Variants in SUSD5 observed in about 807,000 individuals in gnomAD.
The protein encoded by SUSD5 is sushi domain-containing protein 5.
A neutral mutation model predicts 29.5 loss-of-function variants in SUSD5; 33 were observed. The ratio of observed to expected loss-of-function variants is 1.12; its 90% CI spans 0.85 to 1.49. The LOEUF (loss-of-function observed/expected upper bound fraction) is 1.49. Among genes scored for constraint, SUSD5 ranks in the 40% most tolerant of loss-of-function variants. The pLI, the probability that SUSD5 is intolerant of heterozygous loss-of-function variation, is 0.00. For missense variants in SUSD5, 776 were observed against 800.6 expected (o/e 0.97, Z 0.37); for synonymous variants, 308 against 325.3 (o/e 0.95, Z 0.57).
At chr3:33,215,723 C>T (rs1367192726) in intron 1 of SUSD5, among the ~76,000 whole-genome samples, 3 of 152,086 alleles carry the variant, frequency 2.0e-5, no homozygotes, top group Non-Finnish European at 2.9e-5. Flanking sequence ...CTAGGAAAAT[C>T]CCCTTGTGCA....
chr3:33,212,949 A>G (rs556601966), intron 2 of SUSD5, among the ~76,000 whole-genome samples: 25 of 152,344 alleles, frequency 1.6e-4, no homozygotes, highest in Admixed American at 1.2e-3. Context: ...ATACATATAC[A>G]TGCAGATGAG....
In SUSD5 at chr3:33,150,261, TG is replaced by T. The variant is rs1218999004; in HGVS notation, c.*2480del. 6.6e-6 allele frequency: 1 copy of T among 152,188 alleles called. No homozygotes were observed. Among genetic ancestry groups the T allele is most frequent in the African/African-American group, 2.4e-5 (1 of 41,448 alleles). The allele number at this position is 152,188 out of a possible 1,614,324, so 9.4% of individuals were successfully genotyped here. A position where few individuals can be genotyped will look rare whatever the true frequency, so the allele number is the denominator to read the frequency against. The stretch of plus-strand genomic sequence containing the variant: ...ACACCAATAAGAACTTAAAAACTGA[TG>T]TGTTGGGTTTATTTCACAGTCCATG... On this transcript the variant is annotated 3_prime_UTR_variant, in exon 5 of 5. Coordinates refer to ENST00000309558, the MANE Select transcript of SUSD5 (RefSeq NM_015551.2).
rs1165335601 is a variant in SUSD5 at position 33,217,984 on chromosome 3, GCAAGTATTA to G, written c.112+693_112+701del. On this transcript the variant is annotated intron_variant, in intron 1 of 4. Transcript: ENST00000309558. ...GAGCTCCAATCCTGCTCATTTTAGG[GCAAGTATTA>G]CAAGCTAAATTCAGGCTGAAAAACC... is the stretch of plus-strand genomic sequence containing the variant. Among the ~76,000 whole-genome samples the G allele has an allele frequency of 2.0e-5, 3 of 152,156 alleles. No individual in the cohort carries two copies. The East Asian group carries it at 5.8e-4, about 29-fold the overall frequency.
intron 1 of SUSD5, among the ~76,000 whole-genome samples, 168 bp from the exon 2 acceptor site, chr3:33,214,273 T>C (rs1280923940): frequency 2.0e-5 from 3 of 151,952 alleles, no homozygotes; most frequent in African/African-American, 7.3e-5. Flanking sequence ...ATAATTACAC[T>C]AGCATTTTCG....
intron 4 of SUSD5, among the ~76,000 whole-genome samples, chr3:33,173,811 C>G (rs1032150890): frequency 2.6e-5 from 4 of 152,136 alleles, no homozygotes; most frequent in African/African-American, 9.7e-5. Flanking sequence ...GGGAACAATT[C>G]AGGGTCTAGC....
intron 4 of SUSD5, among the ~76,000 whole-genome samples, chr3:33,171,345 T>C (rs200760825): frequency 1.3e-5 from 2 of 148,416 alleles, no homozygotes; most frequent in Admixed American, 6.7e-5. Flanking sequence ...GACTCCTTCT[T>C]AAAAAAAAAA....
chr3:33,207,773 C>A, intron 3 of SUSD5, 35 bp downstream of exon 3: 2 of 1,447,690 alleles, frequency 1.4e-6, no homozygotes, highest in Non-Finnish European at 1.9e-6. Flanking sequence ...CAAGAGCACA[C>A]CCTCCAGCAC....
At position 33,152,715 on chromosome 3, in the gene SUSD5, C is replaced by G; in HGVS notation, c.*27G>C. The G allele has an allele frequency of 1.3e-6, 2 of 1,567,888 alleles. No individual in the cohort carries two copies. Among genetic ancestry groups the G allele is most frequent in the Non-Finnish European group, 1.7e-6 (2 of 1,156,750 alleles). On this transcript the variant is annotated 3_prime_UTR_variant, in exon 5 of 5. Coordinates refer to ENST00000309558, the MANE Select transcript of SUSD5 (RefSeq NM_015551.2). The stretch of plus-strand genomic sequence containing the variant: ...TCACAGTTATTTTCCTCCCAAGTGG[C>G]TTTGGGAGAACCCACTCCAAAGGTG...
chr3:33,189,963 G>T (rs6785274), intron 3 of SUSD5, among the ~76,000 whole-genome samples: 42,326 of 151,960 alleles, frequency 0.28, 6,417 homozygotes, highest in East Asian at 0.47. Flanking sequence ...GCGAAAAGTT[G>T]ACCCTACTAG....
intron 4 of SUSD5, among the ~76,000 whole-genome samples, chr3:33,154,534 A>C (rs1029654250): frequency 6.6e-6 from 1 of 151,742 alleles, no homozygotes; most frequent in Non-Finnish European, 1.5e-5. Context: ...ACAACAACAA[A>C]AACAACAACT....
At chr3:33,164,969 AACAC>A (rs34551240) in intron 4 of SUSD5, among the ~76,000 whole-genome samples, 38,603 of 146,910 alleles carry the variant, frequency 0.26, 5,284 homozygotes, top group Middle Eastern at 0.32. Context: ...ACTAAAGTTG[AACAC>A]ACACACACAC....
At chr3:33,202,023 G>GT (rs769351025) in intron 3 of SUSD5, among the ~76,000 whole-genome samples, 26 of 102,782 alleles carry the variant, frequency 2.5e-4, no homozygotes, top group African/African-American at 8.2e-4. Flanking sequence ...GAGGGGAGAA[G>GT]TTATCTATCT....
rs2031337185 is a variant in SUSD5, at chr3:33,167,855, T to C, written c.598+7031A>G. The stretch of plus-strand genomic sequence containing the variant: ...CCTCTGCTTTCCTGAGTCTGCACTC[T>C]GACTCAGATCATTCAGCCATCCTTC... On this transcript the variant is annotated intron_variant, in intron 4 of 4. Coordinates refer to ENST00000309558, the MANE Select transcript of SUSD5 (RefSeq NM_015551.2). The surrounding 1 kb of genome is among the most constrained non-coding windows in gnomAD (Gnocchi z 4.1). Among the ~76,000 whole-genome samples the C allele has an allele frequency of 6.6e-6, 1 of 152,212 alleles. No homozygotes were observed. Among genetic ancestry groups the C allele is most frequent in the Non-Finnish European group, 1.5e-5 (1 of 68,042 alleles).
rs1331880894 is a variant in SUSD5 at position 33,152,838 on chromosome 3, G to A, written c.1794C>T (p.Tyr598=). Residue 598 remains tyrosine, a synonymous_variant, in exon 5 of 5, where the codon TAC becomes TAT. Coordinates refer to ENST00000309558, the MANE Select transcript of SUSD5 (RefSeq NM_015551.2). The part of the protein sequence containing the change: ...LLAGVGMVWG[Y]RKCQHKSSVY... Reference sequence around the variant, plus strand: ...CAGAGCTCTTGTGCTGGCACTTGCGGTAGCCCCACACCATCCCCACACCTG... The same window carrying A: ...CAGAGCTCTTGTGCTGGCACTTGCGATAGCCCCACACCATCCCCACACCTG... 1.2e-6 allele frequency: 2 copies of A among 1,613,974 alleles called. No individual in the cohort carries two copies. Among genetic ancestry groups the A allele is most frequent in the East Asian group, 2.2e-5 (1 of 44,872 alleles).
Position 33,158,206 on chromosome 3 carries a change from G to A in SUSD5, c.599-4173C>T, listed in dbSNP as rs1407667376. Reference sequence around the variant, plus strand: ...AGGAGCACAGTCTCCCAAAACACAAGAGGACTATAGGCCCACTTCTAAATT... The same window carrying A: ...AGGAGCACAGTCTCCCAAAACACAAAAGGACTATAGGCCCACTTCTAAATT... On this transcript the variant is annotated intron_variant, in intron 4 of 4. Transcript: ENST00000309558. Among the ~76,000 whole-genome samples the A allele has an allele frequency of 5.3e-5, 8 of 152,178 alleles. No individual in the cohort carries two copies. In the East Asian group the frequency reaches 1.5e-3, roughly 29 times the overall value.
chr3:33,202,705 A>G (rs1298821856), intron 3 of SUSD5, among the ~76,000 whole-genome samples: 1 of 152,218 alleles, frequency 6.6e-6, no homozygotes, highest in Non-Finnish European at 1.5e-5. Flanking sequence ...GAGGCAGCTT[A>G]TTTCATCAGA....
chr3:33,175,728 G>C (rs1420453098), intron 3 of SUSD5, among the ~76,000 whole-genome samples: 2 of 151,988 alleles, frequency 1.3e-5, no homozygotes, highest in East Asian at 3.8e-4. Flanking sequence ...TGAGCAGAAA[G>C]TACAGAGAGT....
intron 3 of SUSD5, among the ~76,000 whole-genome samples, chr3:33,199,312 T>C (rs1231977365): frequency 1.3e-5 from 2 of 152,112 alleles, no homozygotes; most frequent in Non-Finnish European, 2.9e-5. Flanking sequence ...CTCGCTCTGT[T>C]GCCCAGGCTG....
In SUSD5 at chr3:33,218,778, C is replaced by T; in HGVS notation, c.20G>A (p.Ser7Asn). 2 of 1,441,330 alleles carry T rather than the reference C, an allele frequency of 1.4e-6. No homozygotes were observed. The highest frequency in any genetic ancestry group is 1.8e-6 in the Non-Finnish European group (2 of 1,103,544). The allele number at this position is 1,441,330 out of a possible 1,614,324, so 89.3% of individuals were successfully genotyped here. A position where few individuals can be genotyped will look rare whatever the true frequency, so the allele number is the denominator to read the frequency against. MTAEGP[S>N]PPARWHRRLP... ...GCGTCTGTGCCAACGGGCAGGCGGG[C>T]TGGGTCCCTCGGCAGTCATGGTCCG... The change falls in exon 1 of 5, where the codon AGC becomes AAC. Residue 7 changes from serine (S) to asparagine (N), a missense_variant. Coordinates refer to ENST00000309558, the MANE Select transcript of SUSD5 (RefSeq NM_015551.2).
Sources: allele counts gnomAD v4.1 joint callset (sites outside exome capture counted in the v4.1 genomes callset), GRCh38; gene constraint gnomAD v4.1.1; non-coding constraint Gnocchi (gnomAD v3.1); transcripts MANE v1.5; gene names NCBI Gene and HGNC (gene_info 2026-07-23, HGNC 2026-07-21).